Variants in PHACTR1 observed in about 807,000 individuals in gnomAD.
The protein encoded by PHACTR1 is phosphatase and actin regulator 1.
A neutral mutation model predicts 69.2 loss-of-function variants in PHACTR1; 16 were observed. The ratio of observed to expected loss-of-function variants is 0.23; its 90% CI spans 0.16 to 0.35. PHACTR1 has a LOEUF of 0.35. Among genes scored for constraint, PHACTR1 ranks in the 10% least tolerant of loss-of-function variants. The pLI, the probability that PHACTR1 is intolerant of heterozygous loss-of-function variation, is 1.00. For missense variants in PHACTR1, 510 were observed against 734.7 expected, an observed-to-expected ratio of 0.69 and a Z score of 3.54; for synonymous variants, 312 against 284.5, an observed-to-expected ratio of 1.10 and a Z score of -0.97.
intron 4 of PHACTR1, among the ~76,000 whole-genome samples, chr6:12,835,468 T>C (rs1297005470): frequency 2.0e-5 from 3 of 152,116 alleles, no homozygotes; most frequent in South Asian, 4.1e-4. Flanking sequence ...TAAACACTTA[T>C]TTATTGGCTT....
chr6:13,038,486 T>A (rs1187322770), intron 4 of PHACTR1, among the ~76,000 whole-genome samples: 1 of 136,326 alleles, frequency 7.3e-6, no homozygotes, highest in Non-Finnish European at 1.6e-5. Flanking sequence ...TGTTCAAGTG[T>A]TTAAAAAAAA....
chr6:12,995,644 T>C (rs1277501419), intron 4 of PHACTR1, among the ~76,000 whole-genome samples: 1 of 152,060 alleles, frequency 6.6e-6, no homozygotes, highest in Non-Finnish European at 1.5e-5. Context: ...TAATACTTAA[T>C]GGTAAATGAT....
chr6:12,843,097 G>A (rs1307922452), intron 4 of PHACTR1, among the ~76,000 whole-genome samples: 1 of 152,090 alleles, frequency 6.6e-6, no homozygotes, highest in African/African-American at 2.4e-5. Flanking sequence ...CTTAATGTGG[G>A]AACTAGGACT....
At chr6:12,888,351 TC>T (rs1783848762) in intron 4 of PHACTR1, among the ~76,000 whole-genome samples, 1 of 152,070 alleles carries the variant, frequency 6.6e-6, no homozygotes, top group Admixed American at 6.6e-5. Flanking sequence ...ATTTTGGACT[TC>T]CCAGCCTCCA....
intron 4 of PHACTR1, among the ~76,000 whole-genome samples, chr6:12,921,097 C>T (rs141789413): frequency 1.6e-4 from 24 of 152,298 alleles, no homozygotes; most frequent in African/African-American, 5.5e-4. Context: ...AGGATGTGCC[C>T]GTTCTCACAT....
At chr6:13,208,634 C>A (rs901515019) in intron 8 of PHACTR1, among the ~76,000 whole-genome samples, 8 of 150,662 alleles carry the variant, frequency 5.3e-5, no homozygotes, top group African/African-American at 9.7e-5. Flanking sequence ...GCTGCCCACC[C>A]CCCCAACCCC....
intron 13 of PHACTR1, 137 bp from the exon 14 acceptor site, chr6:13,286,009 C>T (rs1781615625): frequency 2.9e-6 from 2 of 681,532 alleles, no homozygotes; most frequent in African/African-American, 3.8e-5. Flanking sequence ...GATTTTTCTT[C>T]CTCCCAATGA....
intron 4 of PHACTR1, among the ~76,000 whole-genome samples, chr6:13,016,590 A>G (rs1263440546): frequency 5.3e-5 from 8 of 152,214 alleles, no homozygotes; most frequent in African/African-American, 1.9e-4. Flanking sequence ...GAGGTACATA[A>G]AAGGTGAAAT....
At chr6:12,866,483 A>T (rs1781469154) in intron 4 of PHACTR1, among the ~76,000 whole-genome samples, 1 of 152,088 alleles carries the variant, frequency 6.6e-6, no homozygotes, top group African/African-American at 2.4e-5. Flanking sequence ...AAGAATGGAA[A>T]AGTTTCAAGA....
At chr6:12,917,881 A>G (rs1251708796) in intron 4 of PHACTR1, among the ~76,000 whole-genome samples, 4 of 152,210 alleles carry the variant, frequency 2.6e-5, no homozygotes, top group Admixed American at 2.6e-4. Flanking sequence ...TCGGGAATTT[A>G]GGGTGACTGG....
intron 4 of PHACTR1, among the ~76,000 whole-genome samples, chr6:12,754,062 A>G (rs986081251): frequency 2.7e-5 from 4 of 148,242 alleles, no homozygotes; most frequent in Non-Finnish European, 5.9e-5. Flanking sequence ...TCCCAGGTTC[A>G]TGCCATTCTC....
At chr6:12,884,857 T>C (rs1783479597) in intron 4 of PHACTR1, among the ~76,000 whole-genome samples, 1 of 152,110 alleles carries the variant, frequency 6.6e-6, no homozygotes. Flanking sequence ...AAATCCTTGC[T>C]CTCTAGTAAC....
chr6:12,926,426 A>C (rs115894124), intron 4 of PHACTR1, among the ~76,000 whole-genome samples: 1 of 152,110 alleles, frequency 6.6e-6, no homozygotes, highest in African/African-American at 2.4e-5. Flanking sequence ...ATGACTTCCA[A>C]ATCTATAACT....
intron 4 of PHACTR1, among the ~76,000 whole-genome samples, chr6:12,895,177 C>CTTTT (rs139510433): frequency 2.3e-4 from 20 of 88,224 alleles, no homozygotes; most frequent in African/African-American, 4.3e-4. Context: ...TTTCTTTTTT[C>CTTTT]TTTTTTTTTT....
intron 4 of PHACTR1, among the ~76,000 whole-genome samples, chr6:12,758,536 C>T (rs1446333001): frequency 6.7e-6 from 1 of 150,316 alleles, no homozygotes; most frequent in Non-Finnish European, 1.5e-5. Context: ...TATTTATTCT[C>T]ACAATGACCC....
intron 3 of PHACTR1, chr6:12,749,385 G>T: frequency 3.6e-6 from 2 of 549,570 alleles, no homozygotes; most frequent in Non-Finnish European, 7.1e-6. Context: ...CGCCAGCCAG[G>T]GATAGCCTGA....
At chr6:13,226,572 A>G (rs369190484) in intron 8 of PHACTR1, among the ~76,000 whole-genome samples, 6 of 152,148 alleles carry the variant, frequency 3.9e-5, no homozygotes, top group East Asian at 3.8e-4. Flanking sequence ...AAATTTAACT[A>G]TGGTTTCTGG....
rs545947562 is a variant in PHACTR1, at chr6:13,283,969, C to A, written c.1650+407C>A. The A allele has an allele frequency of 2.7e-4, 52 of 191,084 alleles. No homozygotes were observed. Among genetic ancestry groups the A allele is most frequent in the African/African-American group, 1.1e-3 (48 of 43,130 alleles). The allele number at this position is 191,084 out of a possible 1,614,324, so 11.8% of individuals were successfully genotyped here. A position where few individuals can be genotyped will look rare whatever the true frequency, so the allele number is the denominator to read the frequency against. On this transcript the variant is annotated intron_variant, in intron 13 of 14. Transcript: ENST00000332995. The surrounding 1 kb of genome is among the most constrained non-coding windows in gnomAD (Gnocchi z 4.7). ...AAGAGAAGACAAAGTAGACGCATAA[C>A]CCCAGGAGGGAAATAGGGCATAAAT...
intron 10 of PHACTR1, among the ~76,000 whole-genome samples, chr6:13,236,630 AT>A (rs1772031697): frequency 6.6e-6 from 1 of 151,736 alleles, no homozygotes; most frequent in African/African-American, 2.4e-5. Context: ...CTGTGTTCAG[AT>A]TTCCCCTTTC....
Sources: allele counts gnomAD v4.1 joint callset (sites outside exome capture counted in the v4.1 genomes callset), GRCh38; gene constraint gnomAD v4.1.1; non-coding constraint Gnocchi (gnomAD v3.1); transcripts MANE v1.5; gene names NCBI Gene and HGNC (gene_info 2026-07-23, HGNC 2026-07-21).